The following TMEM44 variants were observed in gnomAD, a reference collection of about 807,000 sequenced individuals.
The protein encoded by TMEM44 is transmembrane protein 44.
A neutral mutation model predicts 47.8 loss-of-function variants in TMEM44; 43 were observed. The ratio of observed to expected loss-of-function variants is 0.90; its 90% CI spans 0.70 to 1.16. The LOEUF (loss-of-function observed/expected upper bound fraction) is 1.16, where lower values mean the gene tolerates loss of function less well. TMEM44 is among the 50% of genes most tolerant of loss of function. TMEM44 has a pLI of 0.00. For missense variants in TMEM44, 568 were observed against 555.2 expected, an observed-to-expected ratio of 1.02 and a Z score of -0.23; for synonymous variants, 277 against 238.8, an observed-to-expected ratio of 1.16 and a Z score of -1.48.
At chr3:194,604,480 C>G in intron 8 of TMEM44, 35 bp from the exon 9 acceptor site, 1 of 1,463,450 alleles carries the variant, frequency 6.8e-7, no homozygotes, top group Non-Finnish European at 9.1e-7. Flanking sequence ...GGCAAGGACA[C>G]GTAGTTTAGT....
At chr3:194,592,684 C>T (rs1365658727) in intron 9 of TMEM44, among the ~76,000 whole-genome samples, 2 of 151,846 alleles carry the variant, frequency 1.3e-5, no homozygotes, top group African/African-American at 2.4e-5. Context: ...GGTGCAATCT[C>T]GGCTCACTGC....
intron 9 of TMEM44, chr3:194,592,931 G>T (rs78716104): frequency 1.5e-6 from 2 of 1,340,356 alleles, no homozygotes; most frequent in Non-Finnish European, 1.1e-6. Flanking sequence ...TTTTTTTACT[G>T]AAGGAATTTG....
intron 1 of TMEM44, among the ~76,000 whole-genome samples, chr3:194,632,740 T>G (rs1717948320): frequency 6.6e-6 from 1 of 152,124 alleles, no homozygotes; most frequent in Non-Finnish European, 1.5e-5. Flanking sequence ...TTATCTCCGG[T>G]CATAGGAGGC....
At chr3:194,594,383 G>A (rs1340677420) in intron 9 of TMEM44, among the ~76,000 whole-genome samples, 1 of 151,800 alleles carries the variant, frequency 6.6e-6, no homozygotes, top group Non-Finnish European at 1.5e-5. Flanking sequence ...GGCTGGTCTC[G>A]AACTCCTGGC....
intron 5 of TMEM44, 164 bp downstream of exon 5, chr3:194,623,060 C>T: frequency 1.6e-6 from 1 of 634,490 alleles, no homozygotes; most frequent in East Asian, 3.4e-5. Flanking sequence ...CACACACACC[C>T]CCTCCTTGCT....
intron 9 of TMEM44, among the ~76,000 whole-genome samples, chr3:194,594,149 A>ATCTATCTATCTATCTGTCTGTCTG (rs1713107248): frequency 1.0e-5 from 1 of 98,672 alleles, no homozygotes; most frequent in Admixed American, 1.0e-4. Flanking sequence ...CTATCTATCT[A>ATCTATCTATCTATCTGTCTGTCTG]TCTATCTATC....
chr3:194,616,692 C>T (rs1346171367), intron 6 of TMEM44: 4 of 412,022 alleles, frequency 9.7e-6, no homozygotes, highest in South Asian at 1.7e-5. Flanking sequence ...CCATTAACCA[C>T]AGTCAGCATC....
chr3:194,609,133 C>T (rs894078781), intron 8 of TMEM44, among the ~76,000 whole-genome samples: 1 of 152,090 alleles, frequency 6.6e-6, no homozygotes. Context: ...GGGAGAGGAG[C>T]CGGTCTGGGC....
intron 9 of TMEM44, among the ~76,000 whole-genome samples, chr3:194,601,069 C>A (rs1714041105): frequency 6.6e-6 from 1 of 151,942 alleles, no homozygotes; most frequent in Admixed American, 6.6e-5. Flanking sequence ...AAAATATATT[C>A]CTTTTGCATG....
intron 9 of TMEM44, chr3:194,596,778 C>T (rs1405603483): frequency 2.6e-5 from 4 of 152,308 alleles, no homozygotes; most frequent in African/African-American, 9.6e-5. Flanking sequence ...GCATCTGACT[C>T]CTGGGTCAAG....
chr3:194,611,125 C>G lies in TMEM44; in HGVS notation c.913-105G>C. The G allele has an allele frequency of 1.2e-6, 1 of 867,266 alleles. No homozygotes were observed. 53.7% of individuals were successfully genotyped at this position (867,266 alleles called of 1,614,324 possible). A position where few individuals can be genotyped will look rare whatever the true frequency, so the allele number is the denominator to read the frequency against. The stretch of plus-strand genomic sequence containing the variant: ...TTCAAAAGGACCCCCGTGGTATTTT[C>G]TCTCTCTCTTTTTTAACGGCACGTC... On this transcript the variant is annotated intron_variant, in intron 7 of 9. Transcript: ENST00000347147. This position sits in a 1 kb window ranked among gnomAD's most constrained non-coding sequence, Gnocchi z 4.2.
intron 8 of TMEM44, among the ~76,000 whole-genome samples, chr3:194,607,802 G>T (rs1714931586): frequency 6.6e-6 from 1 of 152,210 alleles, no homozygotes; most frequent in East Asian, 1.9e-4. Context: ...GCTATGATGG[G>T]AGGGGTGCCC....
At chr3:194,594,317 C>T (rs1713149211) in intron 9 of TMEM44, among the ~76,000 whole-genome samples, 1 of 151,918 alleles carries the variant, frequency 6.6e-6, no homozygotes, top group African/African-American at 2.4e-5. Context: ...GCGCCCAGGA[C>T]CATGCCCAGC....
intron 7 of TMEM44, among the ~76,000 whole-genome samples, chr3:194,613,577 C>T (rs1434478421): frequency 6.6e-6 from 1 of 151,100 alleles, no homozygotes; most frequent in Non-Finnish European, 1.5e-5. Flanking sequence ...ACTGCAACCT[C>T]CGCCTCCCAG....
In TMEM44 at chr3:194,620,242, G is replaced by C. The variant is rs146125016; in HGVS notation, c.613-2973C>G. ...GGAGGCGGAGTTTGCAGTGAGCCGAGATCGTGCCATTGCACTCCAGCCTGG... is the reference window on the plus strand; with the variant it reads ...GGAGGCGGAGTTTGCAGTGAGCCGACATCGTGCCATTGCACTCCAGCCTGG... On this transcript the variant is annotated intron_variant, in intron 5 of 9. Transcript: ENST00000347147. Among the ~76,000 whole-genome samples, 712 of 138,016 alleles carry C rather than the reference G, an allele frequency of 5.2e-3. 23 individuals carry two copies. The East Asian group carries it at 0.08, about 16-fold the overall frequency. 90.5% of individuals were successfully genotyped at this position (138,016 alleles called of 152,430 possible).
chr3:194,627,703 C>T (rs375527656), intron 2 of TMEM44, among the ~76,000 whole-genome samples: 2 of 152,146 alleles, frequency 1.3e-5, no homozygotes, highest in Non-Finnish European at 2.9e-5. Context: ...ACAGGTCAGG[C>T]GTGGTGGCTC....
chr3:194,605,155 T>A (rs962251610), intron 8 of TMEM44, among the ~76,000 whole-genome samples: 2 of 119,034 alleles, frequency 1.7e-5, no homozygotes, highest in Non-Finnish European at 3.4e-5. Flanking sequence ...TATGTATCTA[T>A]CTATGTATCT....
chr3:194,605,502 G>A (rs1295647210), intron 8 of TMEM44, among the ~76,000 whole-genome samples: 4 of 152,348 alleles, frequency 2.6e-5, no homozygotes, highest in East Asian at 1.9e-4. Flanking sequence ...GGCAAAGGAG[G>A]AGCAAGTCAC....
At chr3:194,605,547 T>A (rs1409597280) in intron 8 of TMEM44, among the ~76,000 whole-genome samples, 1 of 152,166 alleles carries the variant, frequency 6.6e-6, no homozygotes, top group Non-Finnish European at 1.5e-5. Flanking sequence ...AAGAGAGAGC[T>A]TGTGTAGGGG....
Sources: gnomAD v4.1 joint callset for allele counts (sites outside exome capture counted in the v4.1 genomes callset) on GRCh38, gnomAD v4.1.1 for gene constraint, Gnocchi (gnomAD v3.1) non-coding constraint, MANE v1.5 for transcripts, NCBI Gene and HGNC (gene_info 2026-07-23, HGNC 2026-07-21) for gene names.